The following HNRNPLL variants were observed in gnomAD, a reference collection of about 807,000 sequenced individuals.
HNRNPLL encodes the protein heterogeneous nuclear ribonucleoprotein L-like.
In HNRNPLL, 25 loss-of-function variants were observed where a neutral mutation model predicts 67.1. The ratio of observed to expected loss-of-function variants is 0.37; its 90% CI spans 0.27 to 0.52. HNRNPLL has a LOEUF of 0.52. HNRNPLL is among the 20% of genes least tolerant of loss of function. HNRNPLL has a pLI of 0.90. For missense variants in HNRNPLL, 542 were observed against 673.9 expected, an observed-to-expected ratio of 0.80 and a Z score of 2.17; for synonymous variants, 267 against 241.7, an observed-to-expected ratio of 1.10 and a Z score of -0.97.
At chr2:38,569,771 TTTTAAAA>T (rs753300120) in intron 9 of HNRNPLL, 26 bp downstream of exon 9, 1 of 1,146,702 alleles carries the variant, frequency 8.7e-7, no homozygotes, top group South Asian at 1.6e-5. Flanking sequence ...TTTAAATATT[TTTTAAAA>T]TTTATCATTT....
At position 38,602,628 on chromosome 2, in the gene HNRNPLL, G is replaced by C. The variant is rs566571984; in HGVS notation, c.-2C>G. ...GGGGGAGGAAGAGGAGGAGGACATG[G>C]CGGCGGCCGGAGGGACCGGCTGGCA... On this transcript the variant is annotated 5_prime_UTR_variant, in exon 1 of 13. Transcript: ENST00000449105. 4.0e-6 allele frequency: 6 copies of C among 1,516,962 alleles called. No individual in the cohort carries two copies. The East Asian group carries it at 1.6e-4, about 41-fold the overall frequency. 94.0% of individuals were successfully genotyped at this position (1,516,962 alleles called of 1,614,324 possible).
At chr2:38,564,455 AC>A (rs932135306) in intron 12 of HNRNPLL, among the ~76,000 whole-genome samples, 6 of 152,036 alleles carry the variant, frequency 3.9e-5, no homozygotes, top group African/African-American at 1.4e-4. Context: ...CCCCGCCTCT[AC>A]TAAAAATACA....
At chr2:38,567,766 A>C (rs559307675) in intron 12 of HNRNPLL, among the ~76,000 whole-genome samples, 1 of 152,272 alleles carries the variant, frequency 6.6e-6, no homozygotes, top group African/African-American at 2.4e-5. Context: ...CTCTTGGATC[A>C]CTCAGAGAGA....
intron 2 of HNRNPLL, among the ~76,000 whole-genome samples, chr2:38,589,171 G>C (rs1256861216): frequency 6.6e-6 from 1 of 152,042 alleles, no homozygotes; most frequent in Non-Finnish European, 1.5e-5. Flanking sequence ...AATAACAAAA[G>C]TTAAAAAATA....
intron 12 of HNRNPLL, among the ~76,000 whole-genome samples, chr2:38,567,205 C>A (rs1213750519): frequency 1.3e-5 from 2 of 152,174 alleles, no homozygotes; most frequent in Non-Finnish European, 1.5e-5. Flanking sequence ...CAGGTTCAAG[C>A]AATTCTCCTG....
intron 6 of HNRNPLL, chr2:38,578,053 A>G: frequency 4.3e-6 from 2 of 467,240 alleles, no homozygotes; most frequent in Non-Finnish European, 8.9e-6. Flanking sequence ...TTATAAGTAT[A>G]TGCACATATT....
chr2:38,599,907 C>T (rs574535690), intron 1 of HNRNPLL: 36 of 471,412 alleles, frequency 7.6e-5, no homozygotes, highest in Non-Finnish European at 1.5e-4. Flanking sequence ...CCTGCATTTA[C>T]TTTAACAGTC....
At chr2:38,584,080 G>A (rs766394017) in intron 3 of HNRNPLL, among the ~76,000 whole-genome samples, 154 bp from the exon 4 acceptor site, 2 of 151,712 alleles carry the variant, frequency 1.3e-5, no homozygotes, top group Non-Finnish European at 2.9e-5. Context: ...CTTTTTTCTT[G>A]AGACAGGGTC....
chr2:38,570,861 G>C (rs1666049227), intron 8 of HNRNPLL, among the ~76,000 whole-genome samples: 1 of 151,352 alleles, frequency 6.6e-6, no homozygotes, highest in African/African-American at 2.4e-5. Flanking sequence ...GGGCAACATA[G>C]CTGAGACCCC....
chr2:38,595,293 A>G (rs908252654), intron 1 of HNRNPLL, among the ~76,000 whole-genome samples: 76 of 147,902 alleles, frequency 5.1e-4, no homozygotes, highest in East Asian at 4.7e-3. Context: ...AAAAAAAAAA[A>G]AAAAGAAAAG....
Position 38,585,647 on chromosome 2 carries a change from T to C in HNRNPLL, c.543A>G (p.Thr181=). The change falls in exon 3 of 13, where the codon ACA becomes ACG. Residue 181 remains threonine, a synonymous_variant. Transcript: ENST00000449105. ...TTTGTCATATTAAAACACATACCAC[T>C]GTAATTGGATAAAGCGGATTCTGAA... ...LSIQNPLYPI[T]VDVLYTVCNP... 6.4e-7 allele frequency: 1 copy of C among 1,572,806 alleles called. No individual in the cohort carries two copies. The highest frequency in any genetic ancestry group is 8.8e-7 in the Non-Finnish European group (1 of 1,142,438).
intron 1 of HNRNPLL, 61 bp downstream of exon 1, chr2:38,602,377 C>A (rs935854347): frequency 2.1e-5 from 31 of 1,495,678 alleles, no homozygotes; most frequent in Non-Finnish European, 2.3e-5. Flanking sequence ...GGCCCCGCAC[C>A]GAGGCCCTGC....
intron 6 of HNRNPLL, 193 bp downstream of exon 6, chr2:38,581,720 G>A: frequency 1.6e-6 from 1 of 606,838 alleles, no homozygotes. Flanking sequence ...AATATAAATA[G>A]CTCAGTACAT....
chr2:38,564,425 G>C (rs1220452469), intron 12 of HNRNPLL, among the ~76,000 whole-genome samples, 188 bp from the exon 13 acceptor site: 1 of 151,776 alleles, frequency 6.6e-6, no homozygotes. Context: ...TTCGAGACCA[G>C]CCTGGCTAAT....
intron 8 of HNRNPLL, among the ~76,000 whole-genome samples, chr2:38,570,211 G>A (rs1309885677): frequency 3.3e-5 from 5 of 152,138 alleles, no homozygotes; most frequent in African/African-American, 1.2e-4. Flanking sequence ...TCTGAGCCAT[G>A]GATTGTCGCT....
intron 1 of HNRNPLL, chr2:38,601,503 T>TGC (rs1323401240): frequency 6.6e-6 from 1 of 152,196 alleles, no homozygotes; most frequent in African/African-American, 2.4e-5. Context: ...ACCGCTTAAG[T>TGC]GCACCAAAAA....
chr2:38,563,677 C>G lies in HNRNPLL; in HGVS notation c.*505G>C, dbSNP rs551156278. 6.5e-6 allele frequency: 1 copy of G among 153,108 alleles called. No homozygotes were observed. The highest frequency in any genetic ancestry group is 2.1e-4 in the South Asian group (1 of 4,876). The allele number at this position is 153,108 out of a possible 1,614,324, so 9.5% of individuals were successfully genotyped here. Reference sequence around the variant, plus strand: ...TTCAGAAATATAAAATCAGTTAAATCTGTAGTACTTAAAATTCAACATATG... The same window carrying G: ...TTCAGAAATATAAAATCAGTTAAATGTGTAGTACTTAAAATTCAACATATG... On this transcript the variant is annotated 3_prime_UTR_variant, in exon 13 of 13. Coordinates refer to ENST00000449105, the MANE Select transcript of HNRNPLL (RefSeq NM_138394.4).
chr2:38,590,478 T>G (rs546469149), intron 2 of HNRNPLL, among the ~76,000 whole-genome samples: 6 of 152,096 alleles, frequency 3.9e-5, no homozygotes, highest in Non-Finnish European at 8.8e-5. Context: ...AACATATTCA[T>G]CAAGGAAAAA....
intron 1 of HNRNPLL, among the ~76,000 whole-genome samples, chr2:38,594,256 T>C (rs999151257): frequency 3.3e-5 from 5 of 152,180 alleles, no homozygotes; most frequent in Admixed American, 3.3e-4. Context: ...TTAAAACTAC[T>C]ATCAAACACA....
Sources: gnomAD v4.1 joint callset for allele counts (sites outside exome capture counted in the v4.1 genomes callset) on GRCh38, gnomAD v4.1.1 for gene constraint, MANE v1.5 for transcripts, NCBI Gene and HGNC (gene_info 2026-07-23, HGNC 2026-07-21) for gene names.